ATP8B4: variants seen among roughly 807,000 people sequenced by gnomAD.
ATP8B4 encodes ATPase phospholipid transporting 8B4 (putative), also known as probable phospholipid-transporting ATPase IM.
A neutral mutation model predicts 145.6 loss-of-function variants in ATP8B4; 133 were observed. The observed-to-expected ratio is 0.91, with a 90% CI of 0.79 to 1.05. The LOEUF (loss-of-function observed/expected upper bound fraction) is 1.05, where lower values mean the gene tolerates loss of function less well. ATP8B4 is among the 50% of genes least tolerant of loss of function. ATP8B4 has a pLI of 0.00. For missense variants in ATP8B4, 1,458 were observed against 1,425.2 expected (o/e 1.02, Z -0.37); for synonymous variants, 507 against 492.9 (o/e 1.03, Z -0.38).
chr15:50,046,565 T>C (rs529566440), intron 4 of ATP8B4, among the ~76,000 whole-genome samples: 2 of 152,348 alleles, frequency 1.3e-5, no homozygotes, highest in South Asian at 4.1e-4. Flanking sequence ...TAAATAGATA[T>C]TCAATTAAAG....
At chr15:50,180,952 G>A (rs2044838276) in intron 1 of ATP8B4, among the ~76,000 whole-genome samples, 3 of 152,154 alleles carry the variant, frequency 2.0e-5, no homozygotes, top group Non-Finnish European at 2.9e-5. Flanking sequence ...GAAACCTAGA[G>A]AATAGGAGGA....
intron 14 of ATP8B4, among the ~76,000 whole-genome samples, chr15:49,948,100 C>A (rs2042733470): frequency 6.6e-6 from 1 of 152,018 alleles, no homozygotes; most frequent in African/African-American, 2.4e-5. Flanking sequence ...AAAGCACAGA[C>A]AATGAAAGCA....
intron 2 of ATP8B4, among the ~76,000 whole-genome samples, chr15:50,081,848 A>C (rs2054577963): frequency 6.6e-6 from 1 of 152,252 alleles, no homozygotes; most frequent in African/African-American, 2.4e-5. Flanking sequence ...TTTAGAAAAC[A>C]GCCTCAGGCA....
At position 50,014,794 on chromosome 15, in the gene ATP8B4, G is replaced by A. The variant is rs1599815566; in HGVS notation, c.363-3877C>T. Reference sequence around the variant, plus strand: ...CACAACAGCCCTAGAGATAGGTATTGTTTTGACTTCCATTTTACAGAATAG... The same window carrying A: ...CACAACAGCCCTAGAGATAGGTATTATTTTGACTTCCATTTTACAGAATAG... On this transcript the variant is annotated intron_variant, in intron 6 of 27. Coordinates refer to ENST00000284509, the MANE Select transcript of ATP8B4 (RefSeq NM_024837.4). Among the ~76,000 whole-genome samples the A allele has an allele frequency of 2.6e-5, 4 of 152,138 alleles. No homozygotes were observed. In the East Asian group the frequency reaches 7.7e-4, roughly 29 times the overall value.
At chr15:50,047,071 G>A (rs1472863562) in intron 4 of ATP8B4, among the ~76,000 whole-genome samples, 9 of 152,356 alleles carry the variant, frequency 5.9e-5, no homozygotes, top group Non-Finnish European at 7.3e-5. Context: ...AAAGGAGGGA[G>A]GCTGTGAACA....
At chr15:50,108,778 T>C (rs2056806365) in intron 1 of ATP8B4, among the ~76,000 whole-genome samples, 1 of 152,200 alleles carries the variant, frequency 6.6e-6, no homozygotes, top group African/African-American at 2.4e-5. Flanking sequence ...TGAGAGCCCC[T>C]ATCACTCTAG....
At chr15:49,923,008 C>T (rs969220800) in intron 17 of ATP8B4, among the ~76,000 whole-genome samples, 2 of 152,216 alleles carry the variant, frequency 1.3e-5, no homozygotes, top group Non-Finnish European at 2.9e-5. Flanking sequence ...GTGCCAAACA[C>T]ATCAGAACCC....
chr15:49,994,575 TA>T (rs1279547443), intron 9 of ATP8B4, among the ~76,000 whole-genome samples: 1 of 151,904 alleles, frequency 6.6e-6, no homozygotes, highest in Non-Finnish European at 1.5e-5. Flanking sequence ...ATAATTAACT[TA>T]AAAAATAAAT....
chr15:50,010,254 T>C (rs1206792037), intron 7 of ATP8B4, among the ~76,000 whole-genome samples: 5 of 152,136 alleles, frequency 3.3e-5, no homozygotes, highest in African/African-American at 1.2e-4. Context: ...TTGCATATAT[T>C]TTAGTGATTA....
At chr15:50,065,629 G>C (rs2053330719) in intron 3 of ATP8B4, among the ~76,000 whole-genome samples, 1 of 152,044 alleles carries the variant, frequency 6.6e-6, no homozygotes, top group African/African-American at 2.4e-5. Context: ...TTCTTTCTAT[G>C]TAATCTTTTC....
chr15:50,131,878 G>A (rs959134081), intron 1 of ATP8B4, among the ~76,000 whole-genome samples: 2 of 151,020 alleles, frequency 1.3e-5, no homozygotes, highest in Non-Finnish European at 2.9e-5. Flanking sequence ...ATAAAATCAC[G>A]CAGCTACTGC....
chr15:50,018,498 C>T (rs989980261), intron 6 of ATP8B4, among the ~76,000 whole-genome samples: 3 of 152,156 alleles, frequency 2.0e-5, no homozygotes, highest in Admixed American at 6.5e-5. Flanking sequence ...TAAATAACCA[C>T]AACTAAACTA....
At chr15:50,089,423 A>C (rs144327739) in intron 2 of ATP8B4, among the ~76,000 whole-genome samples, 3,021 of 152,246 alleles carry the variant, frequency 0.02, 103 homozygotes, top group African/African-American at 0.07. Context: ...AACTTAAACA[A>C]ATTTACAAGA....
chr15:49,907,899 A>G (rs887548389), intron 20 of ATP8B4: 7 of 367,326 alleles, frequency 1.9e-5, no homozygotes, highest in African/African-American at 1.5e-4. Flanking sequence ...CTTAACAACT[A>G]TATTTTTAGG....
chr15:50,152,714 G>A (rs1191395431), intron 1 of ATP8B4, among the ~76,000 whole-genome samples: 1 of 152,150 alleles, frequency 6.6e-6, no homozygotes, highest in African/African-American at 2.4e-5. Flanking sequence ...GTGAAATAAT[G>A]TTCATTTAAC....
intron 9 of ATP8B4, among the ~76,000 whole-genome samples, chr15:49,994,831 A>C (rs2047300250): frequency 6.6e-6 from 1 of 152,120 alleles, no homozygotes; most frequent in South Asian, 2.1e-4. Context: ...ACAAGTATTC[A>C]TACTTGTTAT....
At chr15:50,131,464 G>A (rs937699148) in intron 1 of ATP8B4, among the ~76,000 whole-genome samples, 1 of 152,112 alleles carries the variant, frequency 6.6e-6, no homozygotes, top group South Asian at 2.1e-4. Context: ...GAATCTATGT[G>A]CCTAACCAAT....
intron 3 of ATP8B4, among the ~76,000 whole-genome samples, chr15:50,060,387 A>G (rs2052924651): frequency 6.6e-6 from 1 of 152,208 alleles, no homozygotes; most frequent in South Asian, 2.1e-4. Context: ...CAATTAAATA[A>G]TACTTGAGTG....
At chr15:50,024,897 A>C (rs931959640) in intron 6 of ATP8B4, among the ~76,000 whole-genome samples, 2 of 152,218 alleles carry the variant, frequency 1.3e-5, no homozygotes, top group Non-Finnish European at 2.9e-5. Flanking sequence ...ACTAGGGTAA[A>C]GATGGGCTTG....
Sources: allele counts gnomAD v4.1 joint callset (sites outside exome capture counted in the v4.1 genomes callset), GRCh38; gene constraint gnomAD v4.1.1; transcripts MANE v1.5; gene names NCBI Gene and HGNC (gene_info 2026-07-23, HGNC 2026-07-21).